Variants in PIN4 observed in about 807,000 individuals in gnomAD.
The protein encoded by PIN4 is peptidyl-prolyl cis-trans isomerase NIMA-interacting 4.
Under a neutral mutation model 8.3 loss-of-function variants are expected in PIN4, and 3 were observed. The ratio of observed to expected loss-of-function variants is 0.36; its 90% CI spans 0.16 to 0.93. PIN4 has a LOEUF of 0.93. Ranked by LOEUF, PIN4 falls within the 40% of genes least tolerant of loss-of-function variation. The pLI is 0.44. For missense variants in PIN4, 75 were observed against 100.6 expected, an observed-to-expected ratio of 0.75 and a Z score of 1.09; for synonymous variants, 18 against 32.5, an observed-to-expected ratio of 0.55 and a Z score of 1.52.
At position 72,253,985 on chromosome X, in the gene PIN4, AAAAG is replaced by A. The variant is rs757908555; in HGVS notation, c.313-8718_313-8715del. Among the ~76,000 whole-genome samples the A allele has an allele frequency of 1.4e-4, 15 of 108,814 alleles. No homozygotes were observed. The South Asian group carries it at 4.7e-3, about 34-fold the overall frequency. 94.5% of individuals were successfully genotyped at this position (108,814 alleles called of 115,157 possible). A position where few individuals can be genotyped will look rare whatever the true frequency, so the allele number is the denominator to read the frequency against. ...TTAAAAAAAGAAAAAAAATAAAAGA[AAAAG>A]AAAAGAAAAGAAAAGAAAATCCATT... On this transcript the variant is annotated intron_variant, in intron 3 of 3. Coordinates refer to the PIN4 transcript ENST00000423432.
downstream of PIN4, among the ~76,000 whole-genome samples, chrX:72,200,707 C>T (rs1334176580): frequency 8.9e-6 from 1 of 111,893 alleles, no homozygotes; most frequent in East Asian, 2.8e-4. Flanking sequence ...TACACTATCA[C>T]TTGGGTAGCA....
chrX:72,262,722 C>A (rs1242148710), exon 4 of PIN4: 1 of 1,144,311 alleles, frequency 8.7e-7, no homozygotes, highest in South Asian at 1.9e-5. Context: ...CAGCCTGCAG[C>A]AACATGCTGG....
intron 3 of PIN4, among the ~76,000 whole-genome samples, chrX:72,243,074 G>A (rs755848836): frequency 9.1e-6 from 1 of 110,397 alleles, no homozygotes; most frequent in Non-Finnish European, 1.9e-5. Flanking sequence ...GCTTACATCT[G>A]TAATGCCAGC....
rs184016800 is a variant in PIN4 at position 72,182,738 on chromosome X, A to G, written c.43+910A>G. Among the ~76,000 whole-genome samples the G allele has an allele frequency of 2.0e-3, 222 of 111,434 alleles. 1 individual carries two copies. The highest frequency in any genetic ancestry group is 7.0e-3 in the African/African-American group (215 of 30,631). On this transcript the variant is annotated intron_variant, in intron 1 of 3. Transcript: ENST00000373669. ...TTCCTGGAGATGAATTAGGCAGGTCAAGATGTGCATTGAGGGTAGGTTAAA... is the reference window on the plus strand; with the variant it reads ...TTCCTGGAGATGAATTAGGCAGGTCGAGATGTGCATTGAGGGTAGGTTAAA...
intron 2 of PIN4, among the ~76,000 whole-genome samples, chrX:72,186,882 C>T (rs1203203015): frequency 9.0e-6 from 1 of 111,534 alleles, no homozygotes; most frequent in African/African-American, 3.3e-5. Context: ...GCTGAGATTG[C>T]ACCACTGCAC....
At chrX:72,206,603 G>T in intron 3 of PIN4, 1 of 1,211,010 alleles carries the variant, frequency 8.3e-7, no homozygotes, top group Non-Finnish European at 1.1e-6. Flanking sequence ...CTAGTTCTTT[G>T]TTGTTCCATC....
At chrX:72,262,664 G>A in intron 3 of PIN4, 1 of 898,710 alleles carries the variant, frequency 1.1e-6, no homozygotes, top group African/African-American at 1.9e-5. Flanking sequence ...CTAGCAATCA[G>A]GTTACAATTG....
downstream of PIN4, among the ~76,000 whole-genome samples, chrX:72,200,826 CCTTAGATCAGGGGT>C (rs780093405): frequency 1.2e-3 from 130 of 112,086 alleles, no homozygotes; most frequent in South Asian, 0.047. Context: ...CACCTCACAC[CCTTAGATCAGGGGT>C]CTTAACCTTT....
At position 72,194,756 on chromosome X, in the gene PIN4, GC is replaced by G. The variant is rs1164165962; in HGVS notation, c.118-2027del. On this transcript the variant is annotated intron_variant, in intron 2 of 3. Coordinates refer to ENST00000373669, the MANE Select transcript of PIN4 (RefSeq NM_006223.4). ...ACAGTAGTGTACAGTAATGTCCTAGGCCTTCATATTCACTCACCACTCACTG... is the reference window on the plus strand; with the variant it reads ...ACAGTAGTGTACAGTAATGTCCTAGGCTTCATATTCACTCACCACTCACTG... Among the ~76,000 whole-genome samples the G allele has an allele frequency of 4.7e-5, 5 of 106,387 alleles. 1 individual carries two copies. Among genetic ancestry groups the G allele is most frequent in the African/African-American group, 1.7e-4 (5 of 29,150 alleles). The allele number at this position is 106,387 out of a possible 115,157, so 92.4% of individuals were successfully genotyped here.
intron 3 of PIN4, among the ~76,000 whole-genome samples, chrX:72,231,350 A>G (rs1158731500): frequency 1.8e-5 from 2 of 111,560 alleles, no homozygotes; most frequent in Non-Finnish European, 3.8e-5. Flanking sequence ...TCTCGCTTAT[A>G]CATGGAATCT....
chrX:72,242,735 G>C (rs1427034787), intron 3 of PIN4, among the ~76,000 whole-genome samples: 1 of 112,808 alleles, frequency 8.9e-6, no homozygotes, highest in African/African-American at 3.2e-5. Context: ...AGCTCTCCCA[G>C]CTGGGCTCAG....
chrX:72,221,022 C>T (rs1402456366), intron 3 of PIN4, among the ~76,000 whole-genome samples: 2 of 111,680 alleles, frequency 1.8e-5, no homozygotes, highest in Non-Finnish European at 3.8e-5. Context: ...TTTTCTCTCA[C>T]TTCATTTTTG....
chrX:72,233,194 C>T (rs7883905), intron 3 of PIN4, among the ~76,000 whole-genome samples: 2,108 of 111,505 alleles, frequency 0.019, 26 homozygotes, highest in African/African-American at 0.052. Context: ...AGCTACACAG[C>T]CTTCCCTATA....
chrX:72,258,737 C>T (rs143382166), intron 3 of PIN4, among the ~76,000 whole-genome samples: 7,988 of 110,534 alleles, frequency 0.072, 484 homozygotes, highest in East Asian at 0.48. Context: ...TCCACCTCTG[C>T]GAAGAAGGAT....
intron 3 of PIN4, among the ~76,000 whole-genome samples, chrX:72,248,278 C>T (rs977860911): frequency 1.3e-5 from 1 of 77,357 alleles, no homozygotes; most frequent in Non-Finnish European, 2.3e-5. Context: ...TAGGACATAG[C>T]TTGCTCCATC....
At chrX:72,212,478 T>C (rs887129851) in intron 3 of PIN4, among the ~76,000 whole-genome samples, 1 of 111,348 alleles carries the variant, frequency 9.0e-6, no homozygotes, top group African/African-American at 3.3e-5. Context: ...GAGAAACCCA[T>C]AAGCCATACT....
At chrX:72,208,117 C>T in intron 3 of PIN4, 2 of 1,211,438 alleles carry the variant, frequency 1.7e-6, no homozygotes, top group Non-Finnish European at 2.2e-6. Flanking sequence ...AAACTCTTGG[C>T]CCCTAAAGCT....
chrX:72,203,478 A>C (rs985811953), intron 3 of PIN4, among the ~76,000 whole-genome samples: 2 of 111,487 alleles, frequency 1.8e-5, no homozygotes, highest in African/African-American at 6.5e-5. Flanking sequence ...GGTGGGACTG[A>C]GCCCTTAAAC....
chrX:72,210,191 C>CTCT (rs1255931306), intron 3 of PIN4, among the ~76,000 whole-genome samples: 3 of 42,253 alleles, frequency 7.1e-5, no homozygotes, highest in East Asian at 0.12. Flanking sequence ...CATAGCGAGA[C>CTCT]TGTCTCTTAA....
Sources: allele counts gnomAD v4.1 joint callset (sites outside exome capture counted in the v4.1 genomes callset), GRCh38; gene constraint gnomAD v4.1.1; transcripts MANE v1.5; gene names NCBI Gene and HGNC (gene_info 2026-07-23, HGNC 2026-07-21).